The following LAMA2 variants were observed in gnomAD, a reference collection of about 807,000 sequenced individuals.
LAMA2 encodes the protein laminin subunit alpha-2.
In LAMA2, 269 loss-of-function variants were observed where a neutral mutation model predicts 364.8. The ratio of observed to expected loss-of-function variants is 0.74; its 90% confidence interval spans 0.67 to 0.82. The LOEUF is 0.82. Among genes scored for constraint, LAMA2 ranks in the 40% least tolerant of loss-of-function variants. The pLI is 0.00. For missense variants in LAMA2, 3,807 were observed against 3,873.2 expected, an observed-to-expected ratio of 0.98 and a Z score of 0.45; for synonymous variants, 1,379 against 1,370.6, an observed-to-expected ratio of 1.01 and a Z score of -0.14.
At chr6:128,954,321 A>G (rs942609234) in intron 1 of LAMA2, among the ~76,000 whole-genome samples, 18 of 152,210 alleles carry the variant, frequency 1.2e-4, no homozygotes, top group African/African-American at 3.1e-4. Flanking sequence ...TATAATATCT[A>G]TAGTCCCACT....
At chr6:129,233,815 G>C (rs1456145922) in intron 12 of LAMA2, among the ~76,000 whole-genome samples, 1 of 152,174 alleles carries the variant, frequency 6.6e-6, no homozygotes, top group Admixed American at 6.5e-5. Flanking sequence ...AAATATCATA[G>C]AGATTTTATG....
chr6:129,053,611 G>T (rs551644156), intron 2 of LAMA2, among the ~76,000 whole-genome samples: 28 of 152,112 alleles, frequency 1.8e-4, no homozygotes, highest in Non-Finnish European at 3.5e-4. Flanking sequence ...ATGAAGGAAA[G>T]AATTTTTAGG....
chr6:129,150,593 G>A (rs1345275434), intron 7 of LAMA2, among the ~76,000 whole-genome samples: 1 of 152,124 alleles, frequency 6.6e-6, no homozygotes, highest in African/African-American at 2.4e-5. Flanking sequence ...GGTAGACTAA[G>A]CAAGGCAAGA....
intron 34 of LAMA2, among the ~76,000 whole-genome samples, chr6:129,375,110 G>A (rs1562505432): frequency 6.6e-6 from 1 of 151,800 alleles, no homozygotes; most frequent in Non-Finnish European, 1.5e-5. Context: ...TTCCACCCAA[G>A]AACTCATATT....
intron 12 of LAMA2, among the ~76,000 whole-genome samples, chr6:129,230,429 C>G (rs1341216159): frequency 6.6e-6 from 1 of 151,972 alleles, no homozygotes; most frequent in Admixed American, 6.6e-5. Context: ...CAAGTGTAGA[C>G]TTGTCTTTTT....
At chr6:129,122,028 GA>G (rs1009584208) in intron 4 of LAMA2, among the ~76,000 whole-genome samples, 5 of 151,950 alleles carry the variant, frequency 3.3e-5, no homozygotes. Context: ...AAAATTATGT[GA>G]AAAAAGATCA....
chr6:129,004,419 A>G lies in LAMA2; in HGVS notation c.113-45499A>G, dbSNP rs1216870014. Among the ~76,000 whole-genome samples the G allele has an allele frequency of 7.3e-5, 5 of 68,834 alleles. 1 individual carries two copies. In the South Asian group the frequency reaches 1.9e-3, roughly 26 times the overall value. The allele number at this position is 68,834 out of a possible 152,430, so 45.2% of individuals were successfully genotyped here. On this transcript the variant is annotated intron_variant, in intron 1 of 64. Transcript: ENST00000421865. ...AGAGTATAATAATAAAAAAAAAAAA[A>G]AAAAAAAAAAAGAAGTATGATGACA...
chr6:128,956,404 C>T (rs921526819), intron 1 of LAMA2, among the ~76,000 whole-genome samples: 1 of 151,868 alleles, frequency 6.6e-6, no homozygotes, highest in African/African-American at 2.4e-5. Flanking sequence ...ATGCAGCCTT[C>T]ATAGTTATTC....
chr6:129,339,867 G>A (rs1256858164), intron 29 of LAMA2, among the ~76,000 whole-genome samples: 1 of 152,062 alleles, frequency 6.6e-6, no homozygotes, highest in East Asian at 1.9e-4. Flanking sequence ...ACTGGGCATG[G>A]TTACGCATGC....
chr6:128,883,904 A>G (rs1775995575), intron 1 of LAMA2, among the ~76,000 whole-genome samples: 1 of 151,882 alleles, frequency 6.6e-6, no homozygotes, highest in Non-Finnish European at 1.5e-5. Flanking sequence ...TAAAGAAGTT[A>G]TGTGGTTTTT....
intron 34 of LAMA2, among the ~76,000 whole-genome samples, chr6:129,372,493 T>C (rs886453857): frequency 2.0e-5 from 3 of 152,256 alleles, no homozygotes; most frequent in Non-Finnish European, 4.4e-5. Context: ...TTCTTTGTAG[T>C]GTTGAATAAT....
At chr6:129,247,923 T>C (rs1785879441) in intron 12 of LAMA2, among the ~76,000 whole-genome samples, 5 of 152,186 alleles carry the variant, frequency 3.3e-5, no homozygotes, top group Admixed American at 3.3e-4. Flanking sequence ...TATTTGTTCC[T>C]CTTTTCCCCC....
intron 1 of LAMA2, among the ~76,000 whole-genome samples, chr6:128,919,592 C>T (rs776905967): frequency 2.0e-5 from 3 of 152,196 alleles, no homozygotes; most frequent in African/African-American, 7.2e-5. Context: ...ATTCAGGCCA[C>T]CATCATCTCA....
rs75477696 is a variant in LAMA2 at position 129,357,666 on chromosome 6, G to T, written c.4717+4309G>T. 4.9e-3 allele frequency among the ~76,000 whole-genome samples: 740 copies of T among 152,080 alleles called. 13 individuals are homozygous for T. The highest frequency in any genetic ancestry group is 0.034 in the Admixed American group (517 of 15,256). ...AACTTCCAACCACTTGGTGAAACCGGAAGTCTGAAGTTTTATCCTATCTTG... is the reference window on the plus strand; with the variant it reads ...AACTTCCAACCACTTGGTGAAACCGTAAGTCTGAAGTTTTATCCTATCTTG... On this transcript the variant is annotated intron_variant, in intron 32 of 64. Coordinates refer to ENST00000421865, the MANE Select transcript of LAMA2 (RefSeq NM_000426.4).
chr6:129,006,545 A>G (rs951074480), intron 1 of LAMA2, among the ~76,000 whole-genome samples: 4 of 152,068 alleles, frequency 2.6e-5, no homozygotes, highest in Non-Finnish European at 5.9e-5. Flanking sequence ...TCATCCACTC[A>G]GCCACCAACT....
At chr6:129,140,739 GA>G (rs199744364) in intron 4 of LAMA2, among the ~76,000 whole-genome samples, 13 of 150,374 alleles carry the variant, frequency 8.6e-5, no homozygotes, top group South Asian at 2.1e-4. Flanking sequence ...AAGGAGAAAG[GA>G]AAAAAAAATA....
At chr6:129,125,664 G>T (rs1299187327) in intron 4 of LAMA2, among the ~76,000 whole-genome samples, 1 of 152,152 alleles carries the variant, frequency 6.6e-6, no homozygotes, top group Non-Finnish European at 1.5e-5. Flanking sequence ...CTAAGAAAAT[G>T]AAATGTTACT....
intron 28 of LAMA2, among the ~76,000 whole-genome samples, chr6:129,327,501 C>T (rs1775370449): frequency 6.6e-6 from 1 of 152,170 alleles, no homozygotes; most frequent in East Asian, 1.9e-4. Context: ...ATTCATAAAT[C>T]AAGCAATGTC....
intron 12 of LAMA2, among the ~76,000 whole-genome samples, chr6:129,230,465 A>G (rs1008473735): frequency 1.3e-5 from 2 of 152,108 alleles, no homozygotes; most frequent in African/African-American, 4.8e-5. Flanking sequence ...GGGCATAGAT[A>G]CTTTTATGGG....
Sources: gnomAD v4.1 joint callset for allele counts (sites outside exome capture counted in the v4.1 genomes callset) on GRCh38, gnomAD v4.1.1 for gene constraint, MANE v1.5 for transcripts, NCBI Gene and HGNC (gene_info 2026-07-23, HGNC 2026-07-21) for gene names.